OR56A1: variants seen among roughly 807,000 people sequenced by gnomAD.
OR56A1 encodes olfactory receptor family 56 subfamily A member 1.
For missense variants in OR56A1, 360 were observed against 380.9 expected (o/e 0.94, Z 0.46); for synonymous variants, 174 against 159.1 (o/e 1.09, Z -0.70).
chr11:6,020,101 C>T lies in OR56A1; in HGVS notation c.*6647G>A, dbSNP rs1320013293. 1 of 152,092 alleles carries T rather than the reference C, an allele frequency of 6.6e-6. No homozygotes were observed. The highest frequency in any genetic ancestry group is 2.4e-5 in the African/African-American group (1 of 41,440). 9.4% of individuals were successfully genotyped at this position (152,092 alleles called of 1,614,324 possible). A position where few individuals can be genotyped will look rare whatever the true frequency, so the allele number is the denominator to read the frequency against. On this transcript the variant is annotated 3_prime_UTR_variant, in exon 2 of 2. Transcript: ENST00000641900. ...TGACTCAGGTATCTCTCCTCCCCCA[C>T]CACATACTAACAACGGCATCTCTTG...
At chr11:6,030,979 T>C (rs925898685), upstream of OR56A1, among the ~76,000 whole-genome samples, 1 of 152,174 alleles carries the variant, frequency 6.6e-6, no homozygotes, top group African/African-American at 2.4e-5. Context: ...ATTAGACATA[T>C]GAGCAGAATA....
At chr11:6,031,526 G>A (rs1158841516), upstream of OR56A1, among the ~76,000 whole-genome samples, 2 of 152,252 alleles carry the variant, frequency 1.3e-5, no homozygotes, top group East Asian at 1.9e-4. Context: ...AGGCACTGAG[G>A]ATGGGAAGAA....
chr11:6,034,262 C>A (rs376275935), upstream of OR56A1: 3 of 152,266 alleles, frequency 2.0e-5, no homozygotes, highest in Admixed American at 1.3e-4. Context: ...CTAGGCTCCC[C>A]TCCCTTGGCC....
intron 1 of OR56A1, among the ~76,000 whole-genome samples, chr11:6,030,254 A>G (rs1848499444): frequency 6.6e-6 from 1 of 152,140 alleles, no homozygotes; most frequent in Admixed American, 6.5e-5. Flanking sequence ...AATCAAGGAA[A>G]TGTTTTTAAA....
At chr11:6,029,948 G>C (rs1220152755) in intron 1 of OR56A1, among the ~76,000 whole-genome samples, 1 of 152,120 alleles carries the variant, frequency 6.6e-6, no homozygotes, top group Admixed American at 6.5e-5. Context: ...AGCTCACCAA[G>C]TCCAAAATTT....
chr11:6,023,728 A>C lies in OR56A1; in HGVS notation c.*3020T>G, dbSNP rs904263415. On this transcript the variant is annotated 3_prime_UTR_variant, in exon 2 of 2. Transcript: ENST00000641900. ...TCATAGACTTCCTCAGTTTTGAAAAACTGACAAAACATTGGTACCCCATCC... is the reference window on the plus strand; with the variant it reads ...TCATAGACTTCCTCAGTTTTGAAAACCTGACAAAACATTGGTACCCCATCC... 6.6e-6 allele frequency: 1 copy of C among 152,196 alleles called. No individual in the cohort carries two copies. Among genetic ancestry groups the C allele is most frequent in the Non-Finnish European group, 1.5e-5 (1 of 68,024 alleles). The allele number at this position is 152,196 out of a possible 1,614,324, so 9.4% of individuals were successfully genotyped here. A position where few individuals can be genotyped will look rare whatever the true frequency, so the allele number is the denominator to read the frequency against.
At chr11:6,033,955 C>T (rs1848535666), upstream of OR56A1, among the ~76,000 whole-genome samples, 1 of 152,198 alleles carries the variant, frequency 6.6e-6, no homozygotes, top group Admixed American at 6.5e-5. Context: ...GCATGCCTGG[C>T]TCTGCTCTAT....
chr11:6,023,706 T>G lies in OR56A1; in HGVS notation c.*3042A>C, dbSNP rs1049950023. On this transcript the variant is annotated 3_prime_UTR_variant, in exon 2 of 2. Coordinates refer to ENST00000641900, the MANE Select transcript of OR56A1 (RefSeq NM_001388488.1). ...GTTGTATCAGCAAAGCAAATCTTCA[T>G]AGACTTCCTCAGTTTTGAAAAACTG... The G allele has an allele frequency of 6.6e-6, 1 of 152,234 alleles. No homozygotes were observed. Among genetic ancestry groups the G allele is most frequent in the East Asian group, 1.9e-4 (1 of 5,194 alleles). The allele number at this position is 152,234 out of a possible 1,614,324, so 9.4% of individuals were successfully genotyped here.
chr11:6,022,378 A>G lies in OR56A1; in HGVS notation c.*4370T>C, dbSNP rs1848405730. On this transcript the variant is annotated 3_prime_UTR_variant, in exon 2 of 2. Transcript: ENST00000641900. Reference sequence around the variant, plus strand: ...AATGTTGATGTGGAGCAAAGCCCTCATGCATTGGAATGAGGTGTGGGTGAG... The same window carrying G: ...AATGTTGATGTGGAGCAAAGCCCTCGTGCATTGGAATGAGGTGTGGGTGAG... The G allele has an allele frequency of 6.6e-6, 1 of 152,200 alleles. No homozygotes were observed. Among genetic ancestry groups the G allele is most frequent in the Non-Finnish European group, 1.5e-5 (1 of 68,034 alleles). 9.4% of individuals were successfully genotyped at this position (152,200 alleles called of 1,614,324 possible).
rs1158317236 is a variant in OR56A1, at chr11:6,025,645, T to TATGGC, written c.*1098_*1102dup. 1.3e-5 allele frequency: 2 copies of TATGGC among 152,238 alleles called. No homozygotes were observed. The highest frequency in any genetic ancestry group is 2.9e-5 in the Non-Finnish European group (2 of 68,052). The allele number at this position is 152,238 out of a possible 1,614,324, so 9.4% of individuals were successfully genotyped here. On this transcript the variant is annotated 3_prime_UTR_variant, in exon 2 of 2. Coordinates refer to ENST00000641900, the MANE Select transcript of OR56A1 (RefSeq NM_001388488.1). ...CTGAGGGCCACATCCTCTGAGGTCCTATGGCATAAGTACCAATTAGGGACA... is the reference window on the plus strand; with the variant it reads ...CTGAGGGCCACATCCTCTGAGGTCCTATGGCATGGCATAAGTACCAATTAGGGACA...
In OR56A1 at chr11:6,021,724, G is replaced by T. The variant is rs1035906365; in HGVS notation, c.*5024C>A. 1 of 151,794 alleles carries T rather than the reference G, an allele frequency of 6.6e-6. No homozygotes were observed. Among genetic ancestry groups the T allele is most frequent in the Non-Finnish European group, 1.5e-5 (1 of 67,950 alleles). The allele number at this position is 151,794 out of a possible 1,614,324, so 9.4% of individuals were successfully genotyped here. Reference sequence around the variant, plus strand: ...AGGCACAAACCCCCAAAGGCAGATGGCATTAAAAAAACAATAAAAAGCAAT... The same window carrying T: ...AGGCACAAACCCCCAAAGGCAGATGTCATTAAAAAAACAATAAAAAGCAAT... On this transcript the variant is annotated 3_prime_UTR_variant, in exon 2 of 2. Transcript: ENST00000641900.
At chr11:6,031,644 A>G (rs553906300), upstream of OR56A1, among the ~76,000 whole-genome samples, 165 of 152,324 alleles carry the variant, frequency 1.1e-3, no homozygotes, top group African/African-American at 3.8e-3. Context: ...GCTTGAGTAA[A>G]TAAGTTGCAT....
In OR56A1 at chr11:6,027,344, T is replaced by G; in HGVS notation, c.349A>C (p.Thr117Pro). The G allele has an allele frequency of 6.2e-7, 1 of 1,614,178 alleles. No homozygotes were observed. Among genetic ancestry groups the G allele is most frequent in the East Asian group, 2.2e-5 (1 of 44,876 alleles). ...MNSFLPMESC[T>P]FMVMAYDRYV... ...CGGTCATAGGCCATGACCATAAACGTGCAGGACTCCATGGGGAGGAAACTG... is the reference window on the plus strand; with the variant it reads ...CGGTCATAGGCCATGACCATAAACGGGCAGGACTCCATGGGGAGGAAACTG... The change falls in exon 2 of 2, where the codon ACG becomes CCG. Residue 117 changes from threonine (T) to proline (P), a missense_variant. Transcript: ENST00000641900.
rs550990260 is a variant in OR56A1 at position 6,020,529 on chromosome 11, C to T, written c.*6219G>A. On this transcript the variant is annotated 3_prime_UTR_variant, in exon 2 of 2. Coordinates refer to ENST00000641900, the MANE Select transcript of OR56A1 (RefSeq NM_001388488.1). Reference sequence around the variant, plus strand: ...CTCACTGTAGAGATCTTTCACCTCCCTGAGTAGCTGTATTCCTTGGTATTT... The same window carrying T: ...CTCACTGTAGAGATCTTTCACCTCCTTGAGTAGCTGTATTCCTTGGTATTT... 1 of 152,216 alleles carries T rather than the reference C, an allele frequency of 6.6e-6. No homozygotes were observed. Among genetic ancestry groups the T allele is most frequent in the African/African-American group, 2.4e-5 (1 of 41,556 alleles). The allele number at this position is 152,216 out of a possible 1,614,324, so 9.4% of individuals were successfully genotyped here. A position where few individuals can be genotyped will look rare whatever the true frequency, so the allele number is the denominator to read the frequency against.
In OR56A1 at chr11:6,030,740, T is replaced by C. The variant is rs889479612; in HGVS notation, c.-73A>G. Reference sequence around the variant, plus strand: ...TTTACATCTCAATTCAAATACTCTCTTCTCTGAGAGGTTTGTTCTAACCCC... The same window carrying C: ...TTTACATCTCAATTCAAATACTCTCCTCTCTGAGAGGTTTGTTCTAACCCC... On this transcript the variant is annotated 5_prime_UTR_variant, in exon 1 of 2. Coordinates refer to ENST00000641900, the MANE Select transcript of OR56A1 (RefSeq NM_001388488.1). 1 of 152,196 alleles carries C rather than the reference T, an allele frequency of 6.6e-6. No individual in the cohort carries two copies. The highest frequency in any genetic ancestry group is 2.4e-5 in the African/African-American group (1 of 41,454). The allele number at this position is 152,196 out of a possible 1,614,324, so 9.4% of individuals were successfully genotyped here.
At position 6,022,766 on chromosome 11, in the gene OR56A1, C is replaced by T. The variant is rs1848409625; in HGVS notation, c.*3982G>A. 6.6e-6 allele frequency: 1 copy of T among 152,096 alleles called. No individual in the cohort carries two copies. Among genetic ancestry groups the T allele is most frequent in the African/African-American group, 2.4e-5 (1 of 41,406 alleles). The allele number at this position is 152,096 out of a possible 1,614,324, so 9.4% of individuals were successfully genotyped here. A position where few individuals can be genotyped will look rare whatever the true frequency, so the allele number is the denominator to read the frequency against. On this transcript the variant is annotated 3_prime_UTR_variant, in exon 2 of 2. Transcript: ENST00000641900. ...TATTTTGACCATAATCTCTCTAAAA[C>T]TTAGTTTTCCTGTATGTTCAGAGTG...
chr11:6,032,610 C>T (rs1460967708), upstream of OR56A1, among the ~76,000 whole-genome samples: 3 of 152,184 alleles, frequency 2.0e-5, no homozygotes, highest in African/African-American at 4.8e-5. Context: ...GGCTGAGGGG[C>T]AGTTCTGATC....
chr11:6,031,717 G>A (rs1041882262), upstream of OR56A1, among the ~76,000 whole-genome samples: 17 of 152,276 alleles, frequency 1.1e-4, no homozygotes, highest in East Asian at 3.9e-4. Flanking sequence ...TGTCAAGAAC[G>A]AGGTGTTTAT....
At position 6,019,853 on chromosome 11, in the gene OR56A1, C is replaced by G. The variant is rs1311082329; in HGVS notation, c.*6895G>C. On this transcript the variant is annotated 3_prime_UTR_variant, in exon 2 of 2. Coordinates refer to ENST00000641900, the MANE Select transcript of OR56A1 (RefSeq NM_001388488.1). ...CACAGTATTCAATTCGTCAGTCACTCTGTGAATTCAAGTAAAAATGAGACC... is the reference window on the plus strand; with the variant it reads ...CACAGTATTCAATTCGTCAGTCACTGTGTGAATTCAAGTAAAAATGAGACC... 1.3e-5 allele frequency: 2 copies of G among 152,108 alleles called. No individual in the cohort carries two copies. Among genetic ancestry groups the G allele is most frequent in the Non-Finnish European group, 2.9e-5 (2 of 67,968 alleles). 9.4% of individuals were successfully genotyped at this position (152,108 alleles called of 1,614,324 possible). A position where few individuals can be genotyped will look rare whatever the true frequency, so the allele number is the denominator to read the frequency against.
Sources: allele counts gnomAD v4.1 joint callset (sites outside exome capture counted in the v4.1 genomes callset), GRCh38; gene constraint gnomAD v4.1.1; transcripts MANE v1.5; gene names NCBI Gene and HGNC (gene_info 2026-07-23, HGNC 2026-07-21).